AKAP13: variants seen among roughly 807,000 people sequenced by gnomAD.
AKAP13 encodes A-kinase anchoring protein 13, also known as A-kinase anchor protein 13.
AKAP13 carries 80 observed loss-of-function variants against 264.5 expected under a neutral mutation model. The ratio of observed to expected loss-of-function variants is 0.30; its 90% CI spans 0.25 to 0.36. The LOEUF (loss-of-function observed/expected upper bound fraction) is 0.36. Among genes scored for constraint, AKAP13 ranks in the 10% least tolerant of loss-of-function variants. The pLI is 1.00. For missense variants in AKAP13, 3,712 were observed against 3,435.2 expected, an observed-to-expected ratio of 1.08 and a Z score of -2.01; for synonymous variants, 1,380 against 1,250.2, an observed-to-expected ratio of 1.10 and a Z score of -2.19.
rs550309808 is a variant in AKAP13 at position 85,586,135 on chromosome 15, A to G, written c.4161+312A>G. On this transcript the variant is annotated intron_variant, in intron 8 of 36. Transcript: ENST00000394518. ...CTTAAATTGTCACAAAATCTGAGCTATCACAAAAGGGGATCTATAGACCTT... is the reference window on the plus strand; with the variant it reads ...CTTAAATTGTCACAAAATCTGAGCTGTCACAAAAGGGGATCTATAGACCTT... Among the ~76,000 whole-genome samples, 10 of 152,228 alleles carry G rather than the reference A, an allele frequency of 6.6e-5. No homozygotes were observed. The East Asian group carries it at 9.7e-4, about 15-fold the overall frequency.
intron 14 of AKAP13, among the ~76,000 whole-genome samples, chr15:85,672,659 A>G (rs1245595126): frequency 6.6e-6 from 1 of 152,254 alleles, no homozygotes; most frequent in East Asian, 1.9e-4. Context: ...TTTTAAGCAC[A>G]CTTAGTAGCT....
chr15:85,692,463 C>G (rs183161196), intron 16 of AKAP13, among the ~76,000 whole-genome samples: 19 of 151,940 alleles, frequency 1.3e-4, no homozygotes, highest in African/African-American at 4.6e-4. Context: ...TAGGGTCACG[C>G]TATTACTGAG....
At chr15:85,548,997 C>T (rs1300347033) in intron 5 of AKAP13, among the ~76,000 whole-genome samples, 1 of 148,910 alleles carries the variant, frequency 6.7e-6, no homozygotes, top group Non-Finnish European at 1.5e-5. Flanking sequence ...GAGAGCATAA[C>T]TCAGTGATTG....
At chr15:85,729,083 A>G (rs1261379663) in intron 29 of AKAP13, among the ~76,000 whole-genome samples, 2 of 151,844 alleles carry the variant, frequency 1.3e-5, no homozygotes, top group South Asian at 2.1e-4. Flanking sequence ...GGCGGATCAC[A>G]AGGTCAGGAG....
chr15:85,481,736 C>T (rs2075358351), intron 1 of AKAP13, among the ~76,000 whole-genome samples: 1 of 152,210 alleles, frequency 6.6e-6, no homozygotes, highest in South Asian at 2.1e-4. Flanking sequence ...ATTTCCTCCT[C>T]TTCACAGTCT....
rs66624781 is a variant in AKAP13 at position 85,650,755 on chromosome 15, C to CAAAAAAAAAAAAAAAAAAAAAAAAAAA, written c.4375-4653_4375-4627dup. Among the ~76,000 whole-genome samples the CAAAAAAAAAAAAAAAAAAAAAAAAAAA allele has an allele frequency of 3.7e-4, 12 of 32,620 alleles. 2 individuals carry two copies. The highest frequency in any genetic ancestry group is 1.3e-3 in the Admixed American group (2 of 1,586). 21.4% of individuals were successfully genotyped at this position (32,620 alleles called of 152,430 possible). A position where few individuals can be genotyped will look rare whatever the true frequency, so the allele number is the denominator to read the frequency against. On this transcript the variant is annotated intron_variant, in intron 10 of 36. Transcript: ENST00000394518. Reference sequence around the variant, plus strand: ...TGGGCAACAGAGTGAGACTCCATCTCAAAAAAAAAAAAAAAAAAAAAAAAA... The same window carrying CAAAAAAAAAAAAAAAAAAAAAAAAAAA: ...TGGGCAACAGAGTGAGACTCCATCTCAAAAAAAAAAAAAAAAAAAAAAAAAAAAAAAAAAAAAAAAAAAAAAAAAAAA...
At chr15:85,586,784 C>T (rs532675971) in intron 8 of AKAP13, among the ~76,000 whole-genome samples, 4 of 151,894 alleles carry the variant, frequency 2.6e-5, no homozygotes, top group Admixed American at 6.5e-5. Flanking sequence ...AAAAATTAGC[C>T]GGGCGTGGTG....
In AKAP13 at chr15:85,597,070, A is replaced by G. The variant is rs1369216688; in HGVS notation, c.4161+11247A>G. 2.0e-5 allele frequency among the ~76,000 whole-genome samples: 3 copies of G among 152,346 alleles called. No individual in the cohort carries two copies. In the East Asian group the frequency reaches 5.8e-4, roughly 29 times the overall value. Reference sequence around the variant, plus strand: ...CCTGTTCCCTTTTGATTTATGTAAAAACAGCATGTGATCAAAAAATTTGTA... The same window carrying G: ...CCTGTTCCCTTTTGATTTATGTAAAGACAGCATGTGATCAAAAAATTTGTA... On this transcript the variant is annotated intron_variant, in intron 8 of 36. Transcript: ENST00000394518.
chr15:85,670,596 A>G (rs1307306061), intron 14 of AKAP13: 1 of 151,232 alleles, frequency 6.6e-6, no homozygotes, highest in Non-Finnish European at 1.5e-5. Context: ...ATATACATTG[A>G]ATTAAGTTGT....
chr15:85,550,276 C>T (rs972072538), intron 5 of AKAP13, among the ~76,000 whole-genome samples: 3 of 152,124 alleles, frequency 2.0e-5, no homozygotes, highest in African/African-American at 7.2e-5. Flanking sequence ...CCCAAGGTCT[C>T]GGTTCACAAG....
At chr15:85,576,047 T>C (rs1333006254) in intron 6 of AKAP13, among the ~76,000 whole-genome samples, 1 of 152,200 alleles carries the variant, frequency 6.6e-6, no homozygotes, top group Non-Finnish European at 1.5e-5. Flanking sequence ...GTATTAGCAG[T>C]ATTAAATGTT....
At chr15:85,483,575 G>A (rs2075415302) in intron 1 of AKAP13, among the ~76,000 whole-genome samples, 1 of 143,086 alleles carries the variant, frequency 7.0e-6, no homozygotes, top group South Asian at 2.2e-4. Flanking sequence ...GCAGTGAGCC[G>A]AGATTGCGCC....
chr15:85,536,825 G>A (rs2077416700), intron 4 of AKAP13: 1 of 152,166 alleles, frequency 6.6e-6, no homozygotes, highest in South Asian at 2.1e-4. Context: ...GGGAGTGGGG[G>A]AAGTCTGACT....
At chr15:85,432,143 A>G (rs1341697045) in intron 1 of AKAP13, among the ~76,000 whole-genome samples, 2 of 152,138 alleles carry the variant, frequency 1.3e-5, no homozygotes, top group African/African-American at 4.8e-5. Context: ...AACAATGGAA[A>G]ATAGCTTTCT....
At chr15:85,653,085 G>A (rs1274327177) in intron 10 of AKAP13, among the ~76,000 whole-genome samples, 1 of 152,178 alleles carries the variant, frequency 6.6e-6, no homozygotes, top group Non-Finnish European at 1.5e-5. Flanking sequence ...ATGGAAAGTT[G>A]CCCCGTGAAT....
intron 4 of AKAP13, among the ~76,000 whole-genome samples, chr15:85,540,453 A>G (rs969213625): frequency 7.2e-5 from 11 of 152,238 alleles, no homozygotes; most frequent in African/African-American, 2.7e-4. Flanking sequence ...TGAGTTGGCA[A>G]AAATGATGCA....
chr15:85,561,144 G>A (rs1422394501), intron 5 of AKAP13, among the ~76,000 whole-genome samples: 2 of 138,778 alleles, frequency 1.4e-5, no homozygotes, highest in South Asian at 2.4e-4. Context: ...TGCAACCTCC[G>A]CCCCCCAGGT....
intron 7 of AKAP13, chr15:85,583,287 G>C (rs1212815757): frequency 8.5e-6 from 6 of 706,124 alleles, no homozygotes; most frequent in Non-Finnish European, 1.0e-5. Context: ...TGAATCAATG[G>C]AGCAAAAGAA....
At chr15:85,537,181 G>A (rs1056886889) in intron 4 of AKAP13, among the ~76,000 whole-genome samples, 1 of 152,002 alleles carries the variant, frequency 6.6e-6, no homozygotes, top group Non-Finnish European at 1.5e-5. Flanking sequence ...GTAAGGGAGA[G>A]AAGCATCAGT....
Sources: gnomAD v4.1 joint callset for allele counts (sites outside exome capture counted in the v4.1 genomes callset) on GRCh38, gnomAD v4.1.1 for gene constraint, MANE v1.5 for transcripts, NCBI Gene and HGNC (gene_info 2026-07-23, HGNC 2026-07-21) for gene names.